Variants in CDH8 observed in about 807,000 individuals in gnomAD.
CDH8 encodes the protein cadherin-8.
Under a neutral mutation model 68.1 loss-of-function variants are expected in CDH8, and 17 were observed. The ratio of observed to expected loss-of-function variants is 0.25; its 90% CI spans 0.17 to 0.37. The LOEUF (loss-of-function observed/expected upper bound fraction) is 0.37. Ranked by LOEUF, CDH8 falls within the 10% of genes least tolerant of loss-of-function variation. The probability of loss-of-function intolerance (pLI) is 1.00; values close to 1 mark genes in which losing one functional copy is unlikely to be tolerated. For missense variants in CDH8, 763 were observed against 999.3 expected (o/e 0.76, Z 3.19); for synonymous variants, 372 against 365.1 (o/e 1.02, Z -0.21).
intron 2 of CDH8, among the ~76,000 whole-genome samples, chr16:61,981,532 G>T (rs1353565366): frequency 6.6e-6 from 1 of 151,980 alleles, no homozygotes; most frequent in Non-Finnish European, 1.5e-5. Flanking sequence ...AGTTTCCCTG[G>T]ATATCTCTAA....
intron 4 of CDH8, among the ~76,000 whole-genome samples, chr16:61,840,356 C>T (rs1962657906): frequency 6.6e-6 from 1 of 152,162 alleles, no homozygotes; most frequent in East Asian, 1.9e-4. Flanking sequence ...TAACCAATGT[C>T]TGTTGGCACT....
At chr16:61,850,571 A>C (rs1383176553) in intron 4 of CDH8, among the ~76,000 whole-genome samples, 2 of 152,078 alleles carry the variant, frequency 1.3e-5, no homozygotes, top group Admixed American at 1.3e-4. Flanking sequence ...TATATCGAAA[A>C]AGTTCTTCAA....
intron 2 of CDH8, among the ~76,000 whole-genome samples, chr16:62,000,221 T>TTCCAAG (rs1965873210): frequency 6.6e-6 from 1 of 152,222 alleles, no homozygotes; most frequent in Admixed American, 6.5e-5. Flanking sequence ...TTTGGGTTGG[T>TTCCAAG]TCCAAGTCTT....
chr16:61,960,368 C>CGTGTGTGTGTATACACAT (rs1198407690), intron 2 of CDH8, among the ~76,000 whole-genome samples: 1 of 97,846 alleles, frequency 1.0e-5, no homozygotes, highest in Non-Finnish European at 1.9e-5. Context: ...TATACACATA[C>CGTGTGTGTGTATACACAT]ATATATACAT....
chr16:61,758,457 A>G (rs1041273781), intron 8 of CDH8, among the ~76,000 whole-genome samples: 8 of 151,832 alleles, frequency 5.3e-5, no homozygotes, highest in Non-Finnish European at 1.0e-4. Flanking sequence ...TTTGAGATTG[A>G]GTTTTGCTCT....
intron 10 of CDH8, 81 bp from the exon 11 acceptor site, chr16:61,655,802 C>T (rs1963433725): frequency 7.7e-7 from 1 of 1,299,508 alleles, no homozygotes; most frequent in Middle Eastern, 2.3e-4. Flanking sequence ...AGTTCATGAA[C>T]CCTTTGCAAA....
At chr16:61,865,707 T>C (rs916186177) in intron 3 of CDH8, among the ~76,000 whole-genome samples, 14 of 152,166 alleles carry the variant, frequency 9.2e-5, no homozygotes, top group African/African-American at 3.1e-4. Context: ...CTATTTCTAA[T>C]ACAACAGAAA....
chr16:61,760,094 A>T (rs1409963113), intron 8 of CDH8, among the ~76,000 whole-genome samples: 1 of 152,024 alleles, frequency 6.6e-6, no homozygotes, highest in Non-Finnish European at 1.5e-5. Context: ...CAGATGTTTG[A>T]GTGAGCCACA....
Position 61,651,147 on chromosome 16 carries a change from CTG to C in CDH8, c.*2459_*2460del, listed in dbSNP as rs2142730918. The C allele has an allele frequency of 6.6e-6, 1 of 152,168 alleles. No homozygotes were observed. Among genetic ancestry groups the C allele is most frequent in the Non-Finnish European group, 1.5e-5 (1 of 68,000 alleles). The allele number at this position is 152,168 out of a possible 1,614,324, so 9.4% of individuals were successfully genotyped here. Reference sequence around the variant, plus strand: ...ACTTCAAAGTACACTAGAAATGAGTCTGGTGTTCAAGAGATACATAAAACATA... The same window carrying C: ...ACTTCAAAGTACACTAGAAATGAGTCGTGTTCAAGAGATACATAAAACATA... On this transcript the variant is annotated 3_prime_UTR_variant, in exon 12 of 12. Transcript: ENST00000577390.
intron 2 of CDH8, among the ~76,000 whole-genome samples, chr16:62,016,632 A>G (rs1346131873): frequency 6.6e-6 from 1 of 152,224 alleles, no homozygotes; most frequent in African/African-American, 2.4e-5. Flanking sequence ...AAGAAAGTCA[A>G]CACTGAGGTA....
chr16:61,889,247 G>T (rs1963732757), intron 3 of CDH8, among the ~76,000 whole-genome samples: 1 of 152,030 alleles, frequency 6.6e-6, no homozygotes, highest in African/African-American at 2.4e-5. Context: ...AATTACTGGT[G>T]GGGAGAATAG....
chr16:61,873,696 T>A (rs1405912188), intron 3 of CDH8, among the ~76,000 whole-genome samples: 1 of 152,160 alleles, frequency 6.6e-6, no homozygotes, highest in Non-Finnish European at 1.5e-5. Flanking sequence ...TGTTTTTCAA[T>A]GCTGGGCTGA....
intron 2 of CDH8, among the ~76,000 whole-genome samples, chr16:61,970,152 G>C (rs1050346838): frequency 3.9e-5 from 6 of 152,122 alleles, no homozygotes; most frequent in Admixed American, 3.9e-4. Context: ...TTAGTAAGAT[G>C]CCATAATCCA....
At chr16:61,684,970 T>C (rs890505070) in intron 10 of CDH8, among the ~76,000 whole-genome samples, 2 of 151,924 alleles carry the variant, frequency 1.3e-5, no homozygotes, top group African/African-American at 4.8e-5. Flanking sequence ...AGTAGCTTCC[T>C]ATTACTGTCA....
At chr16:61,957,644 ACT>A (rs1965008898) in intron 2 of CDH8, among the ~76,000 whole-genome samples, 1 of 152,126 alleles carries the variant, frequency 6.6e-6, no homozygotes, top group Non-Finnish European at 1.5e-5. Context: ...GCATTCATTG[ACT>A]CTGTTCCAGC....
In CDH8 at chr16:62,021,322, A is replaced by T. The variant is rs1902069226; in HGVS notation, c.82T>A (p.Tyr28Asn). Residue 28 changes from tyrosine (Y) to asparagine (N), a missense_variant, in exon 2 of 12, where the codon TAC becomes AAC. Transcript: ENST00000577390. ...ILWITLPPCIYMAPMNQSQVL... is the reference protein window; with the variant it reads ...ILWITLPPCINMAPMNQSQVL... ...TGAGACTGATTCATCGGAGCCATGT[A>T]AATGCAAGGGGGAAGAGTAATCCAT... The T allele has an allele frequency of 6.2e-7, 1 of 1,613,956 alleles. No individual in the cohort carries two copies. The highest frequency in any genetic ancestry group is 8.5e-7 in the Non-Finnish European group (1 of 1,179,968).
At chr16:61,923,592 GAAT>G (rs1964409261) in intron 2 of CDH8, among the ~76,000 whole-genome samples, 1 of 151,526 alleles carries the variant, frequency 6.6e-6, no homozygotes, top group South Asian at 2.1e-4. Flanking sequence ...GAACTGTTGT[GAAT>G]AATAAGTGAA....
At position 61,973,881 on chromosome 16, in the gene CDH8, A is replaced by G. The variant is rs146173675; in HGVS notation, c.252+47271T>C. ...ATGTAACCTCATGTTCCCATCTCAA[A>G]TAATTGAAATGCACCTTAGTTCACA... On this transcript the variant is annotated intron_variant, in intron 2 of 11. Transcript: ENST00000577390. Among the ~76,000 whole-genome samples, 921 of 152,310 alleles carry G rather than the reference A, an allele frequency of 6.0e-3. 6 individuals carry two copies. Among genetic ancestry groups the G allele is most frequent in the Admixed American group, 0.015 (236 of 15,298 alleles).
At chr16:61,683,569 A>G (rs1211419487) in intron 10 of CDH8, among the ~76,000 whole-genome samples, 1 of 152,006 alleles carries the variant, frequency 6.6e-6, no homozygotes, top group Non-Finnish European at 1.5e-5. Context: ...GGTCCTTTAC[A>G]ACAAATACTA....
Sources: gnomAD v4.1 joint callset for allele counts (sites outside exome capture counted in the v4.1 genomes callset) on GRCh38, gnomAD v4.1.1 for gene constraint, MANE v1.5 for transcripts, NCBI Gene and HGNC (gene_info 2026-07-23, HGNC 2026-07-21) for gene names.